PATJ: variants seen among roughly 807,000 people sequenced by gnomAD.
PATJ encodes inaD-like protein.
Under a neutral mutation model 224.9 loss-of-function variants are expected in PATJ, and 190 were observed. That is an observed-to-expected ratio of 0.84 (90% CI 0.75 to 0.95). The LOEUF (loss-of-function observed/expected upper bound fraction) is 0.95. PATJ is among the 40% of genes least tolerant of loss of function. The pLI is 0.00. For synonymous variants in PATJ, 769 were observed against 820.3 expected (o/e 0.94, Z 1.07); for missense variants, 2,121 against 2,270.3 (o/e 0.93, Z 1.34).
intron 41 of PATJ, among the ~76,000 whole-genome samples, chr1:62,137,006 A>C (rs999759858): frequency 6.6e-6 from 1 of 152,112 alleles, no homozygotes; most frequent in African/African-American, 2.4e-5. Flanking sequence ...TATCTTTCTT[A>C]TCTGGAAATT....
intron 31 of PATJ, among the ~76,000 whole-genome samples, chr1:62,068,936 A>T (rs1656945464): frequency 6.6e-6 from 1 of 152,180 alleles, no homozygotes; most frequent in Non-Finnish European, 1.5e-5. Context: ...AACACATTAG[A>T]ATGTCCCCAA....
chr1:61,883,807 A>G (rs1668427621), intron 21 of PATJ, among the ~76,000 whole-genome samples: 1 of 150,388 alleles, frequency 6.6e-6, no homozygotes, highest in South Asian at 2.1e-4. Context: ...ATTTATAAAC[A>G]AAACCCTTTT....
intron 28 of PATJ, among the ~76,000 whole-genome samples, chr1:62,009,251 A>G (rs1296988914): frequency 6.6e-6 from 1 of 152,146 alleles, no homozygotes; most frequent in African/African-American, 2.4e-5. Flanking sequence ...ATTTACAGGC[A>G]TACTTCAGAT....
intron 41 of PATJ, among the ~76,000 whole-genome samples, chr1:62,142,097 G>A (rs1170266026): frequency 6.6e-6 from 1 of 152,172 alleles, no homozygotes; most frequent in African/African-American, 2.4e-5. Context: ...GCAGGCTGCT[G>A]TCACATCTTG....
At chr1:61,748,115 G>C (rs970485768) in intron 1 of PATJ, among the ~76,000 whole-genome samples, 5 of 151,110 alleles carry the variant, frequency 3.3e-5, no homozygotes, top group African/African-American at 1.2e-4. Context: ...TTCTGACCTC[G>C]TGATCCACCC....
Position 62,024,657 on chromosome 1 carries a change from AACACACACACACACACACAC to A in PATJ, c.3959+6750_3959+6769del, listed in dbSNP as rs10605703. Among the ~76,000 whole-genome samples, 141 of 107,734 alleles carry A rather than the reference AACACACACACACACACACAC, an allele frequency of 1.3e-3. 2 individuals are homozygous for A. Among genetic ancestry groups the A allele is most frequent in the South Asian group, 7.0e-3 (21 of 2,988 alleles). 70.7% of individuals were successfully genotyped at this position (107,734 alleles called of 152,430 possible). On this transcript the variant is annotated intron_variant, in intron 29 of 43. Coordinates refer to ENST00000642238, the MANE Select transcript of PATJ (RefSeq NM_001350145.3). ...GGTAGACCCCCACTTCCCACCTCCC[AACACACACACACACACACAC>A]ACACACACACACACACACACACACA...
At chr1:61,851,696 A>T (rs925792796) in intron 17 of PATJ, among the ~76,000 whole-genome samples, 2 of 152,154 alleles carry the variant, frequency 1.3e-5, no homozygotes, top group Admixed American at 6.6e-5. Flanking sequence ...CTCTCTAGAA[A>T]ATTGACTCAT....
At chr1:62,029,208 A>G (rs1171536732) in intron 29 of PATJ, among the ~76,000 whole-genome samples, 3 of 152,174 alleles carry the variant, frequency 2.0e-5, no homozygotes, top group Non-Finnish European at 4.4e-5. Context: ...TTAAGATGAA[A>G]CACACTTTCT....
At chr1:62,091,162 T>C (rs1423424743) in intron 33 of PATJ, among the ~76,000 whole-genome samples, 1 of 151,732 alleles carries the variant, frequency 6.6e-6, no homozygotes, top group Non-Finnish European at 1.5e-5. Flanking sequence ...TCCCAGGATA[T>C]GAATGAGAAT....
chr1:61,826,296 G>A (rs1178905241), intron 15 of PATJ, among the ~76,000 whole-genome samples: 2 of 152,140 alleles, frequency 1.3e-5, no homozygotes, highest in African/African-American at 2.4e-5. Context: ...TTCCTCTCTG[G>A]TGCAGTGAAA....
intron 14 of PATJ, among the ~76,000 whole-genome samples, chr1:61,813,068 C>A (rs1655180210): frequency 6.6e-6 from 1 of 151,774 alleles, no homozygotes; most frequent in African/African-American, 2.4e-5. Context: ...TCAGGGAAGT[C>A]CTGCCCTGAT....
chr1:62,017,360 G>A (rs1349069914), intron 28 of PATJ, among the ~76,000 whole-genome samples: 2 of 150,832 alleles, frequency 1.3e-5, no homozygotes, highest in Admixed American at 6.6e-5. Flanking sequence ...GTTGCAGTGA[G>A]CCGAGATCAT....
chr1:62,108,921 T>C (rs1051092964), intron 34 of PATJ, among the ~76,000 whole-genome samples: 6 of 152,236 alleles, frequency 3.9e-5, no homozygotes, highest in Non-Finnish European at 8.8e-5. Flanking sequence ...GCTTAAATCA[T>C]ATTTTCTTAA....
At chr1:61,921,817 G>T (rs1214133524) in intron 26 of PATJ, among the ~76,000 whole-genome samples, 1 of 152,118 alleles carries the variant, frequency 6.6e-6, no homozygotes, top group Non-Finnish European at 1.5e-5. Context: ...ATTTAAAAAA[G>T]ACATGAACAG....
At chr1:61,745,260 A>C (rs547903194) in intron 1 of PATJ, among the ~76,000 whole-genome samples, 3 of 152,122 alleles carry the variant, frequency 2.0e-5, no homozygotes, top group Admixed American at 2.0e-4. Flanking sequence ...AGATCAGATA[A>C]TTTTTTTAAA....
chr1:62,108,483 G>C lies in PATJ; in HGVS notation c.4424G>C (p.Arg1475Thr), dbSNP rs1334641070. Residue 1475 changes from arginine (R) to threonine (T), a missense_variant, in exon 34 of 44, where the codon AGA becomes ACA. Arg to Thr is a moderately conservative substitution (Grantham distance 71, BLOSUM62 -1). Transcript: ENST00000642238. ...HEVYEEGAAARDGRLWAGDQI... is the reference protein window; with the variant it reads ...HEVYEEGAAATDGRLWAGDQI... ...GTCTATGAAGAAGGGGCAGCAGCCA[G>C]AGATGGAAGACTTTGGGCTGGTGAC... 1.9e-6 allele frequency: 3 copies of C among 1,610,480 alleles called. No individual in the cohort carries two copies. The highest frequency in any genetic ancestry group is 1.7e-6 in the Non-Finnish European group (2 of 1,177,334).
intron 27 of PATJ, among the ~76,000 whole-genome samples, chr1:61,962,672 G>A (rs1681480941): frequency 6.6e-6 from 1 of 152,212 alleles, no homozygotes; most frequent in South Asian, 2.1e-4. Flanking sequence ...TAAGGATTAA[G>A]TTTGACTCTG....
intron 1 of PATJ, 41 bp from the exon 2 acceptor site, chr1:61,762,817 A>C: frequency 2.3e-6 from 2 of 864,770 alleles, no homozygotes; most frequent in Non-Finnish European, 3.6e-6. Context: ...AGCCATATAC[A>C]ATTGAAATTC....
chr1:61,940,987 C>T (rs1677732895), intron 27 of PATJ, among the ~76,000 whole-genome samples: 1 of 152,090 alleles, frequency 6.6e-6, no homozygotes. Flanking sequence ...TCACTTTTCT[C>T]TAATACTTTT....
Sources: allele counts gnomAD v4.1 joint callset (sites outside exome capture counted in the v4.1 genomes callset), GRCh38; gene constraint gnomAD v4.1.1; transcripts MANE v1.5; gene names NCBI Gene and HGNC (gene_info 2026-07-23, HGNC 2026-07-21).